SGO2: variants seen among roughly 807,000 people sequenced by gnomAD.
The protein encoded by SGO2 is shugoshin 2.
In SGO2, 68 loss-of-function variants were observed where a neutral mutation model predicts 99.5. The ratio of observed to expected loss-of-function variants is 0.68; its 90% confidence interval spans 0.56 to 0.84. SGO2 has a LOEUF of 0.84. Ranked by LOEUF, SGO2 falls within the 40% of genes least tolerant of loss-of-function variation. SGO2 has a pLI of 0.00. For synonymous variants in SGO2, 457 were observed against 487.1 expected, an observed-to-expected ratio of 0.94 and a Z score of 0.81; for missense variants, 1,350 against 1,436.7, an observed-to-expected ratio of 0.94 and a Z score of 0.97.
intron 5 of SGO2, among the ~76,000 whole-genome samples, chr2:200,565,516 T>C (rs534497904): frequency 6.6e-6 from 1 of 152,356 alleles, no homozygotes; most frequent in African/African-American, 2.4e-5. Context: ...ATTTCAACTT[T>C]GGTGAATCTG....
intron 5 of SGO2, among the ~76,000 whole-genome samples, chr2:200,565,749 C>T (rs1574869586): frequency 1.3e-5 from 2 of 152,134 alleles, no homozygotes; most frequent in South Asian, 4.1e-4. Flanking sequence ...TTCTTGGAGG[C>T]TTTATTCATT....
At chr2:200,566,328 G>A (rs2033186319) in intron 5 of SGO2, among the ~76,000 whole-genome samples, 1 of 152,160 alleles carries the variant, frequency 6.6e-6, no homozygotes, top group African/African-American at 2.4e-5. Context: ...GAGTATGCTG[G>A]AGGTCCACTC....
intron 7 of SGO2, 87 bp downstream of exon 7, chr2:200,574,064 T>C (rs749133401): frequency 2.0e-6 from 2 of 1,011,748 alleles, no homozygotes; most frequent in Non-Finnish European, 2.8e-6. Context: ...TGAAGTATTT[T>C]CTAACTGGTA....
intron 8 of SGO2, among the ~76,000 whole-genome samples, chr2:200,580,937 C>G (rs1184845680): frequency 1.3e-5 from 2 of 152,148 alleles, no homozygotes; most frequent in Non-Finnish European, 2.9e-5. Context: ...GATTCTGATA[C>G]ATAGTGTTTT....
At chr2:200,559,073 G>A (rs2032839291) in intron 5 of SGO2, among the ~76,000 whole-genome samples, 1 of 152,174 alleles carries the variant, frequency 6.6e-6, no homozygotes, top group Non-Finnish European at 1.5e-5. Context: ...AGTGTGCTGG[G>A]ATTACAGGCA....
intron 8 of SGO2, among the ~76,000 whole-genome samples, chr2:200,581,041 T>C (rs1008142955): frequency 2.0e-5 from 3 of 152,218 alleles, no homozygotes; most frequent in African/African-American, 7.2e-5. Context: ...TTTGTTTTTA[T>C]TTGTAAATCT....
At chr2:200,559,550 A>G (rs981932671) in intron 5 of SGO2, among the ~76,000 whole-genome samples, 2 of 152,068 alleles carry the variant, frequency 1.3e-5, no homozygotes, top group African/African-American at 4.8e-5. Context: ...AAAAATAAGC[A>G]TTTAAGGTTA....
intron 8 of SGO2, 101 bp from the exon 9 acceptor site, chr2:200,583,345 ACTT>A (rs1263328759): frequency 1.1e-6 from 1 of 919,956 alleles, no homozygotes; most frequent in African/African-American, 1.7e-5. Flanking sequence ...GTTTAAGGAA[ACTT>A]CTTTTCTACT....
At chr2:200,550,765 G>T (rs776048229) in intron 5 of SGO2, among the ~76,000 whole-genome samples, 1 of 152,046 alleles carries the variant, frequency 6.6e-6, no homozygotes, top group Non-Finnish European at 1.5e-5. Context: ...CACTTCAGGA[G>T]TGATCTGGGC....
intron 5 of SGO2, among the ~76,000 whole-genome samples, chr2:200,564,600 A>G (rs570338110): frequency 8.5e-5 from 13 of 152,158 alleles, no homozygotes; most frequent in Non-Finnish European, 1.5e-4. Context: ...AGCTGAATTC[A>G]ATTCCTGGAT....
At chr2:200,580,665 C>G (rs2033814572) in intron 8 of SGO2, 1 of 236,834 alleles carries the variant, frequency 4.2e-6, no homozygotes, top group African/African-American at 2.4e-5. Context: ...GACGCTCACT[C>G]TACAAAAAAT....
At chr2:200,553,873 A>G (rs1199016959) in intron 5 of SGO2, among the ~76,000 whole-genome samples, 1 of 152,128 alleles carries the variant, frequency 6.6e-6, no homozygotes, top group Non-Finnish European at 1.5e-5. Flanking sequence ...TCAGAAAATG[A>G]CATTATTTAC....
At chr2:200,544,705 ATC>A (rs1331077609) in intron 5 of SGO2, among the ~76,000 whole-genome samples, 1 of 151,690 alleles carries the variant, frequency 6.6e-6, no homozygotes, top group Non-Finnish European at 1.5e-5. Context: ...CTATCTATCT[ATC>A]TATCTATCTA....
At position 200,572,429 on chromosome 2, in the gene SGO2, A is replaced by T; in HGVS notation, c.2083A>T (p.Ile695Phe). ...GAATGTGTTGGGTTTGCAAAAGCAG[A>T]TCACCAATATGTACCCCGTTCAGCA... ...TQNVLGLQKQITNMYPVQQNE... is the reference protein window; with the variant it reads ...TQNVLGLQKQFTNMYPVQQNE... Residue 695 changes from isoleucine to phenylalanine, a missense_variant, in exon 7 of 9, where the codon ATC becomes TTC. Coordinates refer to ENST00000357799, the MANE Select transcript of SGO2 (RefSeq NM_152524.6). 6.2e-7 allele frequency: 1 copy of T among 1,613,574 alleles called. No individual in the cohort carries two copies. The highest frequency in any genetic ancestry group is 8.5e-7 in the Non-Finnish European group (1 of 1,179,596).
intron 5 of SGO2, among the ~76,000 whole-genome samples, chr2:200,546,192 A>G (rs1221266577): frequency 1.3e-5 from 2 of 151,522 alleles, no homozygotes; most frequent in Admixed American, 1.3e-4. Flanking sequence ...AAAAAAAAAA[A>G]AATACAAAAA....
chr2:200,533,328 T>C, intron 2 of SGO2: 2 of 376,714 alleles, frequency 5.3e-6, no homozygotes, highest in South Asian at 6.9e-5. Context: ...TTTTCAGCAG[T>C]GAGGCTGCAG....
At position 200,563,979 on chromosome 2, in the gene SGO2, A is replaced by G. The variant is rs539071146; in HGVS notation, c.474-5684A>G. On this transcript the variant is annotated intron_variant, in intron 5 of 8. Transcript: ENST00000357799. ...TCTTTATTAGTCTTGCTAGCGGTCT[A>G]TCAATTTTGTTGATCTTTTCAAAAA... Among the ~76,000 whole-genome samples, 328 of 152,136 alleles carry G rather than the reference A, an allele frequency of 2.2e-3. 1 individual carries two copies. The highest frequency in any genetic ancestry group is 7.5e-3 in the African/African-American group (312 of 41,504).
intron 4 of SGO2, 147 bp from the exon 5 acceptor site, chr2:200,542,432 T>G (rs2032005957): frequency 3.8e-6 from 2 of 533,168 alleles, no homozygotes; most frequent in South Asian, 4.3e-5. Context: ...TTTAACCTTA[T>G]TATCACATTA....
intron 8 of SGO2, among the ~76,000 whole-genome samples, chr2:200,579,550 T>G (rs1230372777): frequency 6.6e-6 from 1 of 152,292 alleles, no homozygotes; most frequent in East Asian, 1.9e-4. Context: ...TTGATGCCTA[T>G]TGAGTGTTTT....
Sources: allele counts gnomAD v4.1 joint callset (sites outside exome capture counted in the v4.1 genomes callset), GRCh38; gene constraint gnomAD v4.1.1; transcripts MANE v1.5; gene names NCBI Gene and HGNC (gene_info 2026-07-23, HGNC 2026-07-21).